PPP1R9A: variants seen among roughly 807,000 people sequenced by gnomAD.
PPP1R9A encodes protein phosphatase 1 regulatory subunit 9A, also known as neurabin-1.
A neutral mutation model predicts 141.9 loss-of-function variants in PPP1R9A; 59 were observed. The observed-to-expected ratio is 0.42, with a 90% CI of 0.34 to 0.52. PPP1R9A has a LOEUF of 0.52. Among genes scored for constraint, PPP1R9A ranks in the 20% least tolerant of loss-of-function variants. The probability of loss-of-function intolerance (pLI) is 0.10; values close to 1 mark genes in which losing one functional copy is unlikely to be tolerated. For synonymous variants in PPP1R9A, 500 were observed against 569.7 expected (o/e 0.88, Z 1.74); for missense variants, 1,444 against 1,611.9 (o/e 0.90, Z 1.78).
chr7:95,292,224 ATTTTTTC>A lies in PPP1R9A; in HGVS notation c.*1922_*1928del, dbSNP rs1806467553. ...GTCTTGAGATGTCTGGTGCTTTGTTATTTTTTCACATCATGAGAAATAAGAAGCCACT... is the reference window on the plus strand; with the variant it reads ...GTCTTGAGATGTCTGGTGCTTTGTTAACATCATGAGAAATAAGAAGCCACT... On this transcript the variant is annotated 3_prime_UTR_variant, in exon 20 of 20. Coordinates refer to ENST00000433360, the MANE Select transcript of PPP1R9A (RefSeq NM_001166160.2). 1 of 152,416 alleles carries A rather than the reference ATTTTTTC, an allele frequency of 6.6e-6. No homozygotes were observed. Among genetic ancestry groups the A allele is most frequent in the Non-Finnish European group, 1.5e-5 (1 of 68,016 alleles). 9.4% of individuals were successfully genotyped at this position (152,416 alleles called of 1,614,324 possible). A position where few individuals can be genotyped will look rare whatever the true frequency, so the allele number is the denominator to read the frequency against.
chr7:95,077,983 T>A (rs1053052269), intron 2 of PPP1R9A, among the ~76,000 whole-genome samples: 2 of 149,120 alleles, frequency 1.3e-5, no homozygotes, highest in Admixed American at 1.3e-4. Context: ...TCTGTTTTTT[T>A]TTTTTTTAAT....
chr7:94,949,147 A>G (rs1330704362), intron 2 of PPP1R9A, among the ~76,000 whole-genome samples: 2 of 152,162 alleles, frequency 1.3e-5, no homozygotes, highest in African/African-American at 2.4e-5. Flanking sequence ...AGTTTTGATT[A>G]GTCTAAGCAG....
At chr7:95,203,625 G>C in intron 6 of PPP1R9A, 40 bp from the exon 7 acceptor site, 1 of 1,463,586 alleles carries the variant, frequency 6.8e-7, no homozygotes, top group Non-Finnish European at 9.2e-7. Flanking sequence ...TCTGCGGTGG[G>C]GGTTAAGCCT....
intron 2 of PPP1R9A, among the ~76,000 whole-genome samples, chr7:94,940,426 C>G (rs953909324): frequency 6.6e-6 from 1 of 151,776 alleles, no homozygotes; most frequent in Non-Finnish European, 1.5e-5. Flanking sequence ...CTCCTTAATA[C>G]TATTTTTCTT....
intron 16 of PPP1R9A, among the ~76,000 whole-genome samples, chr7:95,281,072 C>T (rs1298771762): frequency 6.6e-6 from 1 of 152,036 alleles, no homozygotes; most frequent in Non-Finnish European, 1.5e-5. Flanking sequence ...GCAAAAATTT[C>T]GTTTTTTAAA....
chr7:95,123,050 GA>G (rs895370909), intron 4 of PPP1R9A, among the ~76,000 whole-genome samples: 301 of 145,672 alleles, frequency 2.1e-3, no homozygotes, highest in African/African-American at 6.6e-3. Context: ...CAGATGTCCT[GA>G]AAAAAAAAAG....
intron 2 of PPP1R9A, among the ~76,000 whole-genome samples, chr7:94,954,863 G>A (rs1918472): frequency 0.1 from 14,648 of 143,192 alleles, 798 homozygotes; most frequent in Admixed American, 0.16. Context: ...GTGTGTGTGT[G>A]TATATGTATA....
chr7:95,205,016 G>A (rs943814668), intron 7 of PPP1R9A, among the ~76,000 whole-genome samples: 7 of 145,528 alleles, frequency 4.8e-5, no homozygotes, highest in African/African-American at 1.5e-4. Context: ...CCACACACAC[G>A]CCACACACAC....
intron 7 of PPP1R9A, among the ~76,000 whole-genome samples, chr7:95,207,788 A>G (rs1791163422): frequency 6.6e-6 from 1 of 152,220 alleles, no homozygotes; most frequent in South Asian, 2.1e-4. Flanking sequence ...TGCTGAATAC[A>G]TAATTAATGT....
chr7:94,954,479 A>G (rs994873063), intron 2 of PPP1R9A, among the ~76,000 whole-genome samples: 3 of 151,984 alleles, frequency 2.0e-5, no homozygotes, highest in Non-Finnish European at 2.9e-5. Context: ...AAATATAGCT[A>G]AATTGGCTTT....
chr7:94,978,560 T>C (rs567224678), intron 2 of PPP1R9A, among the ~76,000 whole-genome samples: 1 of 152,316 alleles, frequency 6.6e-6, no homozygotes, highest in African/African-American at 2.4e-5. Flanking sequence ...CTCGACACTT[T>C]TTTCTATCTT....
At chr7:95,103,073 G>A (rs1345556763) in intron 2 of PPP1R9A, among the ~76,000 whole-genome samples, 1 of 152,158 alleles carries the variant, frequency 6.6e-6, no homozygotes, top group African/African-American at 2.4e-5. Context: ...GATTCTGCCA[G>A]CAGACTGTCT....
intron 2 of PPP1R9A, among the ~76,000 whole-genome samples, chr7:94,976,344 CTT>C (rs11400551): frequency 8.8e-5 from 12 of 137,140 alleles, no homozygotes; most frequent in Admixed American, 1.5e-4. Flanking sequence ...ATGTTTTATT[CTT>C]TTTTTTTTTT....
rs576704996 is a variant in PPP1R9A at position 95,065,044 on chromosome 7, G to A, written c.1396-46215G>A. Among the ~76,000 whole-genome samples, 8 of 152,178 alleles carry A rather than the reference G, an allele frequency of 5.3e-5. No individual in the cohort carries two copies. In the South Asian group the frequency reaches 1.7e-3, roughly 32 times the overall value. ...AATATGTTGTGGAAATGAAACTGGA[G>A]CCCAAGTGTTTTTATTTTTTATTTA... On this transcript the variant is annotated intron_variant, in intron 2 of 19. Coordinates refer to ENST00000433360, the MANE Select transcript of PPP1R9A (RefSeq NM_001166160.2).
chr7:94,991,728 C>T lies in PPP1R9A; in HGVS notation c.1395+80220C>T, dbSNP rs757671223. ...GTGCAGTGGCGTGGTCATGGCTCAC[C>T]GCAGCCTTGACTTTCTGGGCTCCAG... On this transcript the variant is annotated intron_variant, in intron 2 of 19. Transcript: ENST00000433360. Among the ~76,000 whole-genome samples the T allele has an allele frequency of 1.8e-4, 27 of 152,092 alleles. 1 individual carries two copies. The highest frequency in any genetic ancestry group is 3.4e-3 in the Middle Eastern group (1 of 294).
chr7:95,115,712 G>T (rs1821368664), intron 3 of PPP1R9A, among the ~76,000 whole-genome samples: 1 of 151,836 alleles, frequency 6.6e-6, no homozygotes, highest in Non-Finnish European at 1.5e-5. Context: ...AAATCAGGAG[G>T]CTGAGACCAT....
At chr7:95,024,287 T>G (rs928884859) in intron 2 of PPP1R9A, among the ~76,000 whole-genome samples, 4 of 152,176 alleles carry the variant, frequency 2.6e-5, no homozygotes, top group Non-Finnish European at 5.9e-5. Context: ...AGATGTCTGT[T>G]AGGTCACTTG....
At chr7:95,277,747 G>A (rs1251705265) in intron 16 of PPP1R9A, among the ~76,000 whole-genome samples, 1 of 152,214 alleles carries the variant, frequency 6.6e-6, no homozygotes, top group Non-Finnish European at 1.5e-5. Flanking sequence ...TTTTAAACAG[G>A]CAGCATAGCA....
intron 4 of PPP1R9A, among the ~76,000 whole-genome samples, chr7:95,124,534 T>A (rs1172322895): frequency 6.6e-6 from 1 of 152,140 alleles, no homozygotes; most frequent in Non-Finnish European, 1.5e-5. Context: ...TGTGTATAGT[T>A]TCTGAATTAA....
Sources: gnomAD v4.1 joint callset for allele counts (sites outside exome capture counted in the v4.1 genomes callset) on GRCh38, gnomAD v4.1.1 for gene constraint, MANE v1.5 for transcripts, NCBI Gene and HGNC (gene_info 2026-07-23, HGNC 2026-07-21) for gene names.